Variants in PFKFB4 observed in about 807,000 individuals in gnomAD.
PFKFB4 encodes the protein 6-phosphofructo-2-kinase/fructose-2,6-biphosphatase 4.
PFKFB4 carries 42 observed loss-of-function variants against 62.8 expected under a neutral mutation model. The observed-to-expected ratio is 0.67, with a 90% CI of 0.52 to 0.86. PFKFB4 has a LOEUF of 0.86. Among genes scored for constraint, PFKFB4 ranks in the 40% least tolerant of loss-of-function variants. The pLI is 0.00. For synonymous variants in PFKFB4, 204 were observed against 240.7 expected (o/e 0.85, Z 1.41); for missense variants, 475 against 627.2 (o/e 0.76, Z 2.59).
chr3:48,559,313 C>T (rs988208130), upstream of PFKFB4, among the ~76,000 whole-genome samples: 12 of 152,258 alleles, frequency 7.9e-5, no homozygotes, highest in Non-Finnish European at 1.6e-4. Flanking sequence ...CCACCGTCCA[C>T]ATCTGCTCTG....
At chr3:48,530,265 A>C (rs2042390029) in intron 9 of PFKFB4, among the ~76,000 whole-genome samples, 1 of 152,112 alleles carries the variant, frequency 6.6e-6, no homozygotes, top group Non-Finnish European at 1.5e-5. Flanking sequence ...AAAATAAATA[A>C]ATAAATAAAA....
At chr3:48,549,761 C>T in intron 3 of PFKFB4, 103 bp downstream of exon 3, 3 of 767,348 alleles carry the variant, frequency 3.9e-6, no homozygotes, top group East Asian at 2.5e-5. Context: ...TCACCAGCAG[C>T]TCCACTCCAG....
At position 48,556,404 on chromosome 3, in the gene PFKFB4, C is replaced by T. The variant is rs1221014394; in HGVS notation, c.97+277G>A. Among the ~76,000 whole-genome samples, 2 of 152,128 alleles carry T rather than the reference C, an allele frequency of 1.3e-5. No homozygotes were observed. The highest frequency in any genetic ancestry group is 2.9e-5 in the Non-Finnish European group (2 of 67,980). On this transcript the variant is annotated intron_variant, in intron 1 of 13. Coordinates refer to ENST00000232375, the MANE Select transcript of PFKFB4 (RefSeq NM_004567.4). The surrounding 1 kb of genome is among the most constrained non-coding windows in gnomAD (Gnocchi z 5.7). ...GGAGAGGGAAGCGAGGGGGCCAGAG[C>T]CCTCCCCGAGGTGATGGTGGCCAGA...
At chr3:48,530,245 T>C (rs1311233574) in intron 9 of PFKFB4, among the ~76,000 whole-genome samples, 1 of 152,004 alleles carries the variant, frequency 6.6e-6, no homozygotes, top group South Asian at 2.1e-4. Flanking sequence ...AGAGTGAGAT[T>C]TGGTCTCAAA....
At chr3:48,553,700 T>A (rs1245218945) in intron 1 of PFKFB4, among the ~76,000 whole-genome samples, 2 of 152,064 alleles carry the variant, frequency 1.3e-5, no homozygotes, top group African/African-American at 2.4e-5. Context: ...CTGGAGGGGG[T>A]GCCAGAATTG....
intron 3 of PFKFB4, among the ~76,000 whole-genome samples, chr3:48,546,251 T>A (rs2042961256): frequency 6.6e-6 from 1 of 151,792 alleles, no homozygotes; most frequent in African/African-American, 2.4e-5. Context: ...TATGAGTGAG[T>A]GTGCCCACAT....
At chr3:48,532,289 G>A (rs1025971796) in intron 9 of PFKFB4, among the ~76,000 whole-genome samples, 4 of 152,154 alleles carry the variant, frequency 2.6e-5, no homozygotes, top group African/African-American at 7.2e-5. Context: ...CAGCCTGGGC[G>A]ACAGAGCGAG....
chr3:48,523,758 T>G lies in PFKFB4; in HGVS notation c.1165A>C (p.Ile389Leu). 1 of 1,614,224 alleles carries G rather than the reference T, an allele frequency of 6.2e-7. No homozygotes were observed. The highest frequency in any genetic ancestry group is 8.5e-7 in the Non-Finnish European group (1 of 1,180,048). ...ELERQENVLV[I>L]CHQAVMRCLL... ...CAGCGCATCACAGCCTGGTGGCAGA[T>G]GACCAGCACATTCTCTTGCCTCTCC... Residue 389 changes from isoleucine to leucine, a missense_variant, in exon 11 of 14, where the codon ATC (isoleucine) becomes CTC (leucine). Coordinates refer to ENST00000232375, the MANE Select transcript of PFKFB4 (RefSeq NM_004567.4).
At position 48,556,633 on chromosome 3, in the gene PFKFB4, A is replaced by G. The variant is rs1483845216; in HGVS notation, c.97+48T>C. 2 of 779,212 alleles carry G rather than the reference A, an allele frequency of 2.6e-6. No individual in the cohort carries two copies. The highest frequency in any genetic ancestry group is 2.6e-5 in the African/African-American group (1 of 38,074). 48.3% of individuals were successfully genotyped at this position (779,212 alleles called of 1,614,324 possible). ...GACCCCCGCCCAGGCCGCCCTACCCACCCATCCCGGTGCACCTCCCACCTC... is the reference window on the plus strand; with the variant it reads ...GACCCCCGCCCAGGCCGCCCTACCCGCCCATCCCGGTGCACCTCCCACCTC... On this transcript the variant is annotated intron_variant, in intron 1 of 13. Coordinates refer to ENST00000232375, the MANE Select transcript of PFKFB4 (RefSeq NM_004567.4). This position sits in a 1 kb window ranked among gnomAD's most constrained non-coding sequence, Gnocchi z 5.7.
At chr3:48,546,961 C>T (rs1289290081) in intron 3 of PFKFB4, among the ~76,000 whole-genome samples, 2 of 152,192 alleles carry the variant, frequency 1.3e-5, no homozygotes, top group East Asian at 1.9e-4. Context: ...GATGCTCGCT[C>T]CTGGTTTCCT....
intron 10 of PFKFB4, among the ~76,000 whole-genome samples, chr3:48,525,018 A>G (rs2042212687): frequency 6.6e-6 from 1 of 152,108 alleles, no homozygotes; most frequent in African/African-American, 2.4e-5. Flanking sequence ...GGATGGGCTC[A>G]GCCTGTGACA....
chr3:48,551,152 C>G (rs2043132444), intron 1 of PFKFB4, among the ~76,000 whole-genome samples: 1 of 151,952 alleles, frequency 6.6e-6, no homozygotes, highest in Non-Finnish European at 1.5e-5. Flanking sequence ...TCCCAGCTGG[C>G]TAGAACAGAT....
At position 48,543,830 on chromosome 3, in the gene PFKFB4, T is replaced by A. The variant is rs76940463; in HGVS notation, c.312-184A>T. Among the ~76,000 whole-genome samples, 456 of 152,340 alleles carry A rather than the reference T, an allele frequency of 3.0e-3. 2 individuals are homozygous for A. Among genetic ancestry groups the A allele is most frequent in the African/African-American group, 0.011 (442 of 41,586 alleles). On this transcript the variant is annotated intron_variant, in intron 3 of 13. Transcript: ENST00000232375. ...TTCAGTGTTTGGCTAACTCTGCTCC[T>A]GTGAGGTGGAAGGCTATACACTCTT...
chr3:48,538,502 C>CCA lies in PFKFB4; in HGVS notation c.626_627dup (p.Asp210TrpfsTer19), dbSNP rs769663448. The CCA allele has an allele frequency of 4.3e-6, 7 of 1,614,034 alleles. No homozygotes were observed. Among genetic ancestry groups the CCA allele is most frequent in the Non-Finnish European group, 5.9e-6 (7 of 1,180,018 alleles). ...CCTGGCGCTGCCCTGACTCACCTAT[C>CCA]CAGGTCCTCATCTAGCGACTCGTAG... On this transcript the variant is annotated frameshift_variant, in exon 7 of 14. Coordinates refer to ENST00000232375, the MANE Select transcript of PFKFB4 (RefSeq NM_004567.4). LOFTEE classifies it high-confidence loss of function.
chr3:48,523,900 T>C, intron 10 of PFKFB4, 70 bp from the exon 11 acceptor site: 3 of 1,493,676 alleles, frequency 2.0e-6, no homozygotes, highest in Non-Finnish European at 2.7e-6. Flanking sequence ...TCCTGGACAC[T>C]GGGCCACCTT....
At chr3:48,541,365 G>A (rs2042793127) in intron 4 of PFKFB4, among the ~76,000 whole-genome samples, 1 of 150,750 alleles carries the variant, frequency 6.6e-6, no homozygotes, top group South Asian at 2.1e-4. Context: ...TCCTGACCTC[G>A]TGATCCACCC....
At chr3:48,524,789 G>A (rs1007372227) in intron 10 of PFKFB4, among the ~76,000 whole-genome samples, 10 of 152,104 alleles carry the variant, frequency 6.6e-5, no homozygotes, top group Non-Finnish European at 1.3e-4. Context: ...GTGTTGACGG[G>A]GTGTATTTTT....
At chr3:48,528,746 T>C (rs1158959336) in intron 9 of PFKFB4, among the ~76,000 whole-genome samples, 1 of 152,194 alleles carries the variant, frequency 6.6e-6, no homozygotes, top group Non-Finnish European at 1.5e-5. Flanking sequence ...ACAACTCAAA[T>C]GCCCATCAAC....
intron 10 of PFKFB4, 21 bp from the exon 11 acceptor site, chr3:48,523,851 G>A (rs1195469638): frequency 1.9e-6 from 3 of 1,610,002 alleles, no homozygotes; most frequent in Non-Finnish European, 2.5e-6. Flanking sequence ...AAGCAGAGAG[G>A]GGTCCCTCAG....
Sources: gnomAD v4.1 joint callset for allele counts (sites outside exome capture counted in the v4.1 genomes callset) on GRCh38, gnomAD v4.1.1 for gene constraint, Gnocchi (gnomAD v3.1) non-coding constraint, MANE v1.5 for transcripts, NCBI Gene and HGNC (gene_info 2026-07-23, HGNC 2026-07-21) for gene names.